SLC30A8: variants seen among roughly 807,000 people sequenced by gnomAD.
SLC30A8 encodes the protein proton-coupled zinc antiporter SLC30A8.
SLC30A8 carries 27 observed loss-of-function variants against 36.9 expected under a neutral mutation model. The ratio of observed to expected loss-of-function variants is 0.73; its 90% CI spans 0.54 to 1.01. SLC30A8 has a LOEUF of 1.01. Among genes scored for constraint, SLC30A8 ranks in the 50% least tolerant of loss-of-function variants. The pLI is 0.00. For synonymous variants in SLC30A8, 164 were observed against 172.4 expected, an observed-to-expected ratio of 0.95 and a Z score of 0.38; for missense variants, 439 against 452.0, an observed-to-expected ratio of 0.97 and a Z score of 0.26.
At chr8:117,021,098 T>C (rs563970413) in intron 1 of SLC30A8, among the ~76,000 whole-genome samples, 139 of 152,314 alleles carry the variant, frequency 9.1e-4, no homozygotes, top group African/African-American at 3.2e-3. Context: ...ATAATGATTG[T>C]CATATTTTTA....
At position 117,176,679 on chromosome 8, in the gene SLC30A8, A is replaced by G. The variant is rs1411277389; in HGVS notation, c.*3998A>G. The G allele has an allele frequency of 1.3e-5, 2 of 152,484 alleles. No individual in the cohort carries two copies. The highest frequency in any genetic ancestry group is 1.9e-4 in the East Asian group (1 of 5,172). The allele number at this position is 152,484 out of a possible 1,614,324, so 9.4% of individuals were successfully genotyped here. A position where few individuals can be genotyped will look rare whatever the true frequency, so the allele number is the denominator to read the frequency against. On this transcript the variant is annotated 3_prime_UTR_variant, in exon 8 of 8. Transcript: ENST00000456015. ...GTTTAAATTCTATTTTAAAATGTTA[A>G]TGTGTGTTGTTTAAAATAAAATCAA... is the stretch of plus-strand genomic sequence containing the variant.
chr8:117,168,773 T>G (rs1314929045), intron 6 of SLC30A8, among the ~76,000 whole-genome samples: 1 of 152,146 alleles, frequency 6.6e-6, no homozygotes, highest in Admixed American at 6.6e-5. Flanking sequence ...AGACAGTGTT[T>G]TGATTGCAAT....
intron 2 of SLC30A8, among the ~76,000 whole-genome samples, chr8:117,124,880 C>G (rs890427439): frequency 6.6e-6 from 1 of 151,716 alleles, no homozygotes; most frequent in African/African-American, 2.4e-5. Context: ...CAACATCCCA[C>G]AATATCCACA....
At chr8:117,133,847 A>G (rs1019712993), upstream of SLC30A8, among the ~76,000 whole-genome samples, 58 of 151,966 alleles carry the variant, frequency 3.8e-4, no homozygotes, top group African/African-American at 1.3e-3. Flanking sequence ...CAGGATTTCA[A>G]TGCCTTCACT....
intron 2 of SLC30A8, among the ~76,000 whole-genome samples, chr8:117,067,132 C>T (rs867614820): frequency 3.9e-5 from 6 of 151,998 alleles, no homozygotes; most frequent in Non-Finnish European, 7.4e-5. Flanking sequence ...CTCTTGAGAA[C>T]GCTCACTATC....
At chr8:117,128,673 G>A (rs1185834513) in intron 2 of SLC30A8, 1 of 151,952 alleles carries the variant, frequency 6.6e-6, no homozygotes, top group African/African-American at 2.4e-5. Flanking sequence ...TTATTTAGCT[G>A]GCAGTTAATT....
intron 1 of SLC30A8, among the ~76,000 whole-genome samples, chr8:116,969,136 G>A (rs1327992116): frequency 1.3e-5 from 2 of 152,102 alleles, no homozygotes; most frequent in African/African-American, 4.8e-5. Context: ...AAGAACTCGG[G>A]GCTTGACATG....
chr8:117,124,946 A>G (rs1200718525), intron 2 of SLC30A8, among the ~76,000 whole-genome samples: 3 of 152,014 alleles, frequency 2.0e-5, no homozygotes, highest in Non-Finnish European at 4.4e-5. Context: ...GAAATAAAAA[A>G]TCAGTAAAGA....
intron 2 of SLC30A8, among the ~76,000 whole-genome samples, chr8:117,088,922 T>C (rs1818993107): frequency 6.6e-6 from 1 of 152,200 alleles, no homozygotes. Context: ...TTCCAGGTAA[T>C]GAGCTAAAAG....
rs146585749 is a variant in SLC30A8, at chr8:117,142,260, C to G, written c.72-4694C>G. 8.0e-4 allele frequency among the ~76,000 whole-genome samples: 122 copies of G among 152,186 alleles called. 2 individuals are homozygous for G. In the East Asian group the frequency reaches 0.018, roughly 22 times the overall value. ...AAAAGTCCCTCAAATATGACTACTTCTTTCTATTTTTATTGTCACCACGTG... is the reference window on the plus strand; with the variant it reads ...AAAAGTCCCTCAAATATGACTACTTGTTTCTATTTTTATTGTCACCACGTG... On this transcript the variant is annotated intron_variant, in intron 1 of 7. Coordinates refer to ENST00000456015, the MANE Select transcript of SLC30A8 (RefSeq NM_173851.3).
chr8:117,152,035 A>C (rs555144682), intron 2 of SLC30A8, among the ~76,000 whole-genome samples: 1 of 152,320 alleles, frequency 6.6e-6, no homozygotes, highest in Admixed American at 6.5e-5. Flanking sequence ...AAATTAGGCG[A>C]GACAAGGTGA....
intron 1 of SLC30A8, among the ~76,000 whole-genome samples, chr8:116,959,596 C>T (rs983395356): frequency 1.3e-5 from 2 of 152,142 alleles, no homozygotes; most frequent in Non-Finnish European, 2.9e-5. Flanking sequence ...GATGCAGTTA[C>T]ATTACTTAGA....
chr8:117,140,981 A>G (rs1821623726), intron 1 of SLC30A8, among the ~76,000 whole-genome samples: 1 of 152,122 alleles, frequency 6.6e-6, no homozygotes, highest in South Asian at 2.1e-4. Flanking sequence ...ATATGAACTT[A>G]AGAAGAAATA....
chr8:117,030,258 TAAA>T (rs34275499), intron 1 of SLC30A8, among the ~76,000 whole-genome samples: 2 of 139,546 alleles, frequency 1.4e-5, no homozygotes, highest in Non-Finnish European at 1.6e-5. Flanking sequence ...TTGCTTTTGT[TAAA>T]AAAAAAAAAA....
chr8:117,074,722 G>C (rs2130803687), intron 2 of SLC30A8, among the ~76,000 whole-genome samples: 1 of 152,234 alleles, frequency 6.6e-6, no homozygotes, highest in Admixed American at 6.5e-5. Flanking sequence ...TCTTTCTACT[G>C]TACCATGGTT....
At chr8:117,074,874 C>A (rs1818442938) in intron 2 of SLC30A8, among the ~76,000 whole-genome samples, 1 of 152,058 alleles carries the variant, frequency 6.6e-6, no homozygotes, top group Admixed American at 6.6e-5. Flanking sequence ...TTTTTCTCTC[C>A]ATTATCACCT....
chr8:117,059,958 A>C (rs2130784198), intron 2 of SLC30A8, among the ~76,000 whole-genome samples: 1 of 152,164 alleles, frequency 6.6e-6, no homozygotes, highest in African/African-American at 2.4e-5. Flanking sequence ...GGGGGTGAGA[A>C]GGAGGGAACA....
At chr8:116,991,711 G>C (rs978013431) in intron 1 of SLC30A8, among the ~76,000 whole-genome samples, 1 of 152,162 alleles carries the variant, frequency 6.6e-6, no homozygotes, top group Non-Finnish European at 1.5e-5. Flanking sequence ...CATGACAATA[G>C]ATAAGTAAAT....
intron 2 of SLC30A8, among the ~76,000 whole-genome samples, chr8:117,099,526 C>T (rs770552301): frequency 1.3e-5 from 2 of 152,106 alleles, no homozygotes; most frequent in Non-Finnish European, 2.9e-5. Context: ...AGCAGTTTCT[C>T]ATCTGAAGTC....
Sources: gnomAD v4.1 joint callset for allele counts (sites outside exome capture counted in the v4.1 genomes callset) on GRCh38, gnomAD v4.1.1 for gene constraint, MANE v1.5 for transcripts, NCBI Gene and HGNC (gene_info 2026-07-23, HGNC 2026-07-21) for gene names.